Variants in PKHD1 observed in about 807,000 individuals in gnomAD.
PKHD1 encodes the protein PKHD1 ciliary IPT domain containing fibrocystin/polyductin, also known as fibrocystin.
In PKHD1, 291 loss-of-function variants were observed where a neutral mutation model predicts 412.0. The ratio of observed to expected loss-of-function variants is 0.71; its 90% CI spans 0.64 to 0.78. The LOEUF is 0.78. Ranked by LOEUF, PKHD1 falls within the 30% of genes least tolerant of loss-of-function variation. The pLI is 0.00. For missense variants in PKHD1, 4,825 were observed against 4,950.7 expected (o/e 0.97, Z 0.76); for synonymous variants, 1,777 against 1,821.5 (o/e 0.98, Z 0.62).
intron 40 of PKHD1, among the ~76,000 whole-genome samples, chr6:51,906,804 C>G (rs1782169504): frequency 6.6e-6 from 1 of 152,138 alleles, no homozygotes; most frequent in Non-Finnish European, 1.5e-5. Flanking sequence ...GCCAGAGACT[C>G]ATTCCTAACT....
intron 2 of PKHD1, 47 bp from the exon 3 acceptor site, chr6:52,083,302 A>G: frequency 8.7e-7 from 1 of 1,153,866 alleles, no homozygotes; most frequent in South Asian, 1.2e-5. Context: ...TCAGATTCAA[A>G]CCACTACCTT....
intron 12 of PKHD1, 98 bp from the exon 13 acceptor site, chr6:52,065,148 TATATATATATATATATATATAGAG>T (rs1809385265): frequency 1.5e-5 from 1 of 68,222 alleles, no homozygotes; most frequent in Admixed American, 2.0e-4. Context: ...TATATATATA[TATATATATATATATATATATAGAG>T]AGAGAGAGAG....
At chr6:52,057,737 T>C (rs1807988900) in intron 16 of PKHD1, among the ~76,000 whole-genome samples, 1 of 152,194 alleles carries the variant, frequency 6.6e-6, no homozygotes, top group Non-Finnish European at 1.5e-5. Flanking sequence ...CTTAAATCAA[T>C]TGTTACTTTC....
chr6:52,024,756 A>C lies in PKHD1; in HGVS notation c.5054T>G (p.Ile1685Ser), dbSNP rs1333971899. ...AQISGAANID[I>S]FIGMSPCVGV... ...CACACAGGGTGACATTCCTATAAAA[A>C]TGTCAATGTTTGCAGCTCCTGAGAT... is the stretch of plus-strand genomic sequence containing the variant. The change falls in exon 32 of 67, where the codon ATT becomes AGT. Residue 1685 changes from isoleucine to serine, a missense_variant. By Grantham distance (142) the Ile-to-Ser change is moderately radical. Transcript: ENST00000371117. 6.2e-7 allele frequency: 1 copy of C among 1,614,212 alleles called. No individual in the cohort carries two copies. The highest frequency in any genetic ancestry group is 1.1e-5 in the South Asian group (1 of 91,086).
chr6:52,053,964 G>A, intron 20 of PKHD1, 74 bp downstream of exon 20: 2 of 1,471,924 alleles, frequency 1.4e-6, no homozygotes, highest in Non-Finnish European at 1.9e-6. Flanking sequence ...TGCCTGAGGT[G>A]GGTAACTGTC....
intron 54 of PKHD1, 57 bp downstream of exon 54, chr6:51,775,751 G>T: frequency 2.4e-6 from 2 of 847,874 alleles, no homozygotes; most frequent in Non-Finnish European, 4.0e-6. Flanking sequence ...TCAGACACAA[G>T]CACACAATAC....
intron 55 of PKHD1, among the ~76,000 whole-genome samples, chr6:51,760,339 A>G (rs1018962057): frequency 6.6e-6 from 1 of 152,144 alleles, no homozygotes; most frequent in Admixed American, 6.6e-5. Flanking sequence ...CAAATCAACA[A>G]TAACAAAAAT....
At chr6:51,918,869 T>C (rs1380307088) in intron 37 of PKHD1, among the ~76,000 whole-genome samples, 1 of 152,218 alleles carries the variant, frequency 6.6e-6, no homozygotes, top group African/African-American at 2.4e-5. Flanking sequence ...TGGTGTGAGA[T>C]GGTATATTGA....
intron 40 of PKHD1, among the ~76,000 whole-genome samples, chr6:51,908,331 A>G (rs1484188996): frequency 6.6e-6 from 1 of 152,140 alleles, no homozygotes; most frequent in African/African-American, 2.4e-5. Context: ...ACCTGTTAGA[A>G]TCCTAGCATC....
At chr6:51,696,987 G>T (rs1778875609) in intron 60 of PKHD1, among the ~76,000 whole-genome samples, 1 of 152,064 alleles carries the variant, frequency 6.6e-6, no homozygotes. Context: ...GCAAGAGTTT[G>T]AAACCAGCCT....
Position 51,923,075 on chromosome 6 carries a change from C to T in PKHD1, c.6122-10499G>A, listed in dbSNP as rs143029564. Among the ~76,000 whole-genome samples the T allele has an allele frequency of 2.6e-3, 398 of 152,260 alleles. 5 individuals carry two copies. Among genetic ancestry groups the T allele is most frequent in the African/African-American group, 9.0e-3 (376 of 41,558 alleles). ...TTGTTCCTATTCAGCCATCTTGGAA[C>T]CCAACCCCGTTTTGCCAAATTTTTA... On this transcript the variant is annotated intron_variant, in intron 37 of 66. Transcript: ENST00000371117.
At chr6:51,942,092 C>A (rs866814625) in intron 36 of PKHD1, among the ~76,000 whole-genome samples, 1 of 151,630 alleles carries the variant, frequency 6.6e-6, no homozygotes, top group South Asian at 2.1e-4. Context: ...CCTAACAAAG[C>A]CATTATATAA....
At position 51,887,138 on chromosome 6, in the gene PKHD1, A is replaced by T. The variant is rs1229029529; in HGVS notation, c.7104T>A (p.Cys2368Ter). 1 of 1,596,016 alleles carries T rather than the reference A, an allele frequency of 6.3e-7. No individual in the cohort carries two copies. The highest frequency in any genetic ancestry group is 1.3e-5 in the African/African-American group (1 of 74,564). Reference sequence around the variant, plus strand: ...ATGAATTTCCCCAAAGTTACCTGGTACAAGAATGTGCAATGTTCTGAGTGA... The same window carrying T: ...ATGAATTTCCCCAAAGTTACCTGGTTCAAGAATGTGCAATGTTCTGAGTGA... ...LSFTQNIAHS[C>*]TRYGLFVYPK... Residue 2368 changes from cysteine to a stop codon, truncating the protein, a stop_gained, in exon 44 of 67, where the codon TGT (cysteine) becomes TGA (stop). Coordinates refer to ENST00000371117, the MANE Select transcript of PKHD1 (RefSeq NM_138694.4). LOFTEE classifies it high-confidence loss of function.
intron 52 of PKHD1, among the ~76,000 whole-genome samples, chr6:51,801,395 G>A (rs932038125): frequency 6.6e-6 from 1 of 152,156 alleles, no homozygotes; most frequent in African/African-American, 2.4e-5. Context: ...CCAGAGATGT[G>A]CTAGAAGATA....
chr6:52,052,838 G>A (rs903663725), intron 21 of PKHD1, among the ~76,000 whole-genome samples: 2 of 152,194 alleles, frequency 1.3e-5, no homozygotes, highest in Admixed American at 6.5e-5. Flanking sequence ...GAAAACTGGA[G>A]TAAGAATACA....
At chr6:51,772,550 T>C (rs1383751869) in intron 55 of PKHD1, 152 bp downstream of exon 55, 1 of 515,152 alleles carries the variant, frequency 1.9e-6, no homozygotes, top group East Asian at 3.0e-5. Flanking sequence ...GAGATATTTT[T>C]TAAATTCCCT....
intron 61 of PKHD1, among the ~76,000 whole-genome samples, chr6:51,651,100 G>A (rs1365001684): frequency 1.3e-5 from 2 of 152,092 alleles, no homozygotes; most frequent in African/African-American, 2.4e-5. Flanking sequence ...GTCTTGAGAC[G>A]AAGAGAGGGA....
At position 51,934,153 on chromosome 6, in the gene PKHD1, T is replaced by C. The variant is rs142591323; in HGVS notation, c.6078A>G (p.Gly2026=). The C allele has an allele frequency of 4.3e-6, 7 of 1,613,908 alleles. No individual in the cohort carries two copies. The highest frequency in any genetic ancestry group is 1.3e-5 in the African/African-American group (1 of 74,908). The change falls in exon 37 of 67, where the codon GGA becomes GGG. Residue 2026 remains glycine (G), a synonymous_variant. Coordinates refer to ENST00000371117, the MANE Select transcript of PKHD1 (RefSeq NM_138694.4). Reference sequence around the variant, plus strand: ...CATTCCTCACAGCCAGGAACTTGACTCCATAGGGAAAGAAGGGAGTTGAGT... The same window carrying C: ...CATTCCTCACAGCCAGGAACTTGACCCCATAGGGAAAGAAGGGAGTTGAGT... ...SSYSTPFFPY[G]VKFLAVRNGT...
chr6:52,006,796 G>A lies in PKHD1; in HGVS notation c.5751+3513C>T, dbSNP rs113048783. On this transcript the variant is annotated intron_variant, in intron 35 of 66. Coordinates refer to ENST00000371117, the MANE Select transcript of PKHD1 (RefSeq NM_138694.4). ...AGATTTTGGTGCATCCATCACCGGA[G>A]CAGTATACACTGAACCCAATTTGTA... is the stretch of plus-strand genomic sequence containing the variant. Among the ~76,000 whole-genome samples the A allele has an allele frequency of 3.4e-3, 521 of 152,268 alleles. 2 individuals carry two copies. The highest frequency in any genetic ancestry group is 0.012 in the African/African-American group (503 of 41,554).
Sources: gnomAD v4.1 joint callset for allele counts (sites outside exome capture counted in the v4.1 genomes callset) on GRCh38, gnomAD v4.1.1 for gene constraint, MANE v1.5 for transcripts, NCBI Gene and HGNC (gene_info 2026-07-23, HGNC 2026-07-21) for gene names.